Variants in IRAG1 observed in about 807,000 individuals in gnomAD.
IRAG1 encodes the protein IP3R-associated cGMP kinase substrate.
IRAG1 carries 62 observed loss-of-function variants against 106.2 expected under a neutral mutation model. The ratio of observed to expected loss-of-function variants is 0.58; its 90% CI spans 0.48 to 0.72. The LOEUF is 0.72. IRAG1 is among the 30% of genes least tolerant of loss of function. IRAG1 has a pLI of 0.00. For missense variants in IRAG1, 1,064 were observed against 1,140.7 expected (o/e 0.93, Z 0.97); for synonymous variants, 462 against 443.9 (o/e 1.04, Z -0.51).
intron 10 of IRAG1, among the ~76,000 whole-genome samples, chr11:10,613,520 C>T (rs1358253472): frequency 6.6e-6 from 1 of 152,176 alleles, no homozygotes; most frequent in African/African-American, 2.4e-5. Context: ...AAAACAAAAT[C>T]CAGCTAAACA....
chr11:10,633,225 C>A (rs937400067), intron 3 of IRAG1, among the ~76,000 whole-genome samples: 22 of 152,074 alleles, frequency 1.4e-4, no homozygotes, highest in Non-Finnish European at 2.9e-4. Flanking sequence ...CAGGCGCCCG[C>A]CACCACACCC....
chr11:10,679,613 C>T (rs1165025651), intron 1 of IRAG1, among the ~76,000 whole-genome samples: 2 of 152,210 alleles, frequency 1.3e-5, no homozygotes, highest in Non-Finnish European at 2.9e-5. Flanking sequence ...TGTGAGCTGA[C>T]CTTGCTCACT....
chr11:10,581,768 G>T, intron 19 of IRAG1, 99 bp downstream of exon 19: 1 of 1,444,886 alleles, frequency 6.9e-7, no homozygotes, highest in Non-Finnish European at 9.3e-7. Context: ...TGCGGCCACT[G>T]GTTACTTCCC....
At chr11:10,634,092 C>T in intron 2 of IRAG1, 21 bp from the exon 3 acceptor site, 2 of 1,529,394 alleles carry the variant, frequency 1.3e-6, no homozygotes, top group East Asian at 4.6e-5. Flanking sequence ...AGAACAAAAA[C>T]ACAGAGTTAG....
chr11:10,623,302 G>A (rs972784564), intron 10 of IRAG1, among the ~76,000 whole-genome samples: 1 of 152,200 alleles, frequency 6.6e-6, no homozygotes. Context: ...CTCATTTTCA[G>A]AACCATTTTC....
At chr11:10,686,058 C>A (rs1279414724) in intron 1 of IRAG1, among the ~76,000 whole-genome samples, 1 of 152,144 alleles carries the variant, frequency 6.6e-6, no homozygotes, top group Admixed American at 6.5e-5. Flanking sequence ...CCATACAAGT[C>A]AAAAATATGA....
At chr11:10,597,117 C>T (rs1166196985) in intron 15 of IRAG1, among the ~76,000 whole-genome samples, 2 of 152,162 alleles carry the variant, frequency 1.3e-5, no homozygotes, top group African/African-American at 4.8e-5. Flanking sequence ...CATGGCCTTG[C>T]CTTGTGACTT....
At chr11:10,651,978 G>T in intron 2 of IRAG1, 47 bp downstream of exon 2, 3 of 1,514,446 alleles carry the variant, frequency 2.0e-6, no homozygotes, top group Non-Finnish European at 2.7e-6. Flanking sequence ...AGGGTGCTTG[G>T]CTTGGCCCCC....
chr11:10,597,276 T>C (rs1853428938), intron 15 of IRAG1, among the ~76,000 whole-genome samples: 1 of 152,202 alleles, frequency 6.6e-6, no homozygotes, highest in Non-Finnish European at 1.5e-5. Flanking sequence ...TATTCTTCTT[T>C]GATAACTGTA....
intron 11 of IRAG1, 119 bp downstream of exon 11, chr11:10,609,609 T>C (rs1220086556): frequency 5.1e-6 from 6 of 1,186,326 alleles, no homozygotes; most frequent in Middle Eastern, 2.2e-4. Flanking sequence ...ATCTAGACAA[T>C]TGGACTTTGG....
chr11:10,606,807 C>A (rs1854512605), intron 11 of IRAG1, 35 bp from the exon 12 acceptor site: 1 of 1,552,612 alleles, frequency 6.4e-7, no homozygotes, highest in Non-Finnish European at 8.7e-7. Context: ...GAACTGTGTG[C>A]AACCTAGTCA....
chr11:10,681,295 T>C (rs1354865927), intron 1 of IRAG1, among the ~76,000 whole-genome samples: 1 of 152,204 alleles, frequency 6.6e-6, no homozygotes, highest in Non-Finnish European at 1.5e-5. Context: ...ATTTCCAATC[T>C]GAGCAGTAAA....
intron 16 of IRAG1, 148 bp downstream of exon 16, chr11:10,593,997 TA>T: frequency 1.4e-6 from 1 of 728,900 alleles, no homozygotes; most frequent in Non-Finnish European, 2.3e-6. Flanking sequence ...TGTCAGAGGC[TA>T]AACTTGAGAG....
chr11:10,654,607 C>G (rs1458866207), intron 1 of IRAG1, among the ~76,000 whole-genome samples: 2 of 152,210 alleles, frequency 1.3e-5, no homozygotes, highest in African/African-American at 4.8e-5. Flanking sequence ...CTTCAAGGAA[C>G]ATAGAGCCCA....
chr11:10,621,570 A>G (rs1855837523), intron 10 of IRAG1, among the ~76,000 whole-genome samples: 1 of 152,184 alleles, frequency 6.6e-6, no homozygotes, highest in African/African-American at 2.4e-5. Context: ...AGCTTGTCTG[A>G]AATGTTGTGC....
At chr11:10,593,045 C>T (rs1328716818) in intron 17 of IRAG1, among the ~76,000 whole-genome samples, 1 of 152,178 alleles carries the variant, frequency 6.6e-6, no homozygotes, top group Non-Finnish European at 1.5e-5. Context: ...TCCCACTTTT[C>T]ATTATTATGA....
chr11:10,602,974 GAAT>G (rs1854160706), intron 14 of IRAG1, 143 bp downstream of exon 14: 1 of 944,496 alleles, frequency 1.1e-6, no homozygotes, highest in African/African-American at 1.7e-5. Context: ...AAAATACTCT[GAAT>G]AATACTGCAA....
At chr11:10,586,654 G>T (rs1852039142) in intron 18 of IRAG1, among the ~76,000 whole-genome samples, 2 of 152,154 alleles carry the variant, frequency 1.3e-5, no homozygotes, top group African/African-American at 4.8e-5. Flanking sequence ...CTGGCCTCAA[G>T]TGATCCACCT....
Position 10,628,860 on chromosome 11 carries a change from C to T in IRAG1, c.575-32G>A, listed in dbSNP as rs776026509. On this transcript the variant is annotated intron_variant, in intron 5 of 20. Coordinates refer to ENST00000423302, the MANE Select transcript of IRAG1 (RefSeq NM_130385.4). This position sits in a 1 kb window ranked among gnomAD's most constrained non-coding sequence, Gnocchi z 4.1. ...AGACAGACACAAATTGGCTGGCATT[C>T]ATGAAGGTTTAGGACTTCAACCTGG... The T allele has an allele frequency of 1.3e-6, 2 of 1,555,406 alleles. No individual in the cohort carries two copies. Among genetic ancestry groups the T allele is most frequent in the African/African-American group, 2.7e-5 (2 of 72,918 alleles).
Sources: allele counts gnomAD v4.1 joint callset (sites outside exome capture counted in the v4.1 genomes callset), GRCh38; gene constraint gnomAD v4.1.1; non-coding constraint Gnocchi (gnomAD v3.1); transcripts MANE v1.5; gene names NCBI Gene and HGNC (gene_info 2026-07-23, HGNC 2026-07-21).